The following NLGN1 variants were observed in gnomAD, a reference collection of about 807,000 sequenced individuals.
NLGN1 encodes neuroligin-1.
In NLGN1, 12 loss-of-function variants were observed where a neutral mutation model predicts 65.5. The observed-to-expected ratio is 0.18, with a 90% confidence interval of 0.12 to 0.30. The LOEUF is 0.30. NLGN1 is among the 10% of genes least tolerant of loss of function. The pLI is 1.00. For missense variants in NLGN1, 750 were observed against 1,007.1 expected (o/e 0.74, Z 3.46); for synonymous variants, 350 against 359.5 (o/e 0.97, Z 0.30).
Position 174,167,597 on chromosome 3 carries a change from T to TCC in NLGN1, c.647-107718_647-107717insCC, listed in dbSNP as rs1561203376. ...CCTTTGTATGTGATCTGCCCCCTTT[T>TCC]TTTTTTTTTTTTAACCTAGTTGCCC... On this transcript the variant is annotated intron_variant, in intron 4 of 6. Coordinates refer to ENST00000457714, the Ensembl canonical transcript of NLGN1. Among the ~76,000 whole-genome samples, 751 of 150,448 alleles carry TCC rather than the reference T, an allele frequency of 5.0e-3. 21 individuals carry two copies. The highest frequency in any genetic ancestry group is 0.031 in the East Asian group (154 of 4,978).
intron 4 of NLGN1, among the ~76,000 whole-genome samples, chr3:173,947,820 A>G: frequency 6.6e-6 from 1 of 152,226 alleles, no homozygotes; most frequent in East Asian, 1.9e-4. Flanking sequence ...TAATAGCCAT[A>G]CTTGGAATAT....
chr3:173,699,136 G>A (rs186728844), intron 3 of NLGN1, among the ~76,000 whole-genome samples: 97 of 152,202 alleles, frequency 6.4e-4, no homozygotes, highest in Non-Finnish European at 1.3e-3. Flanking sequence ...GATTACAAGC[G>A]TGAGCCACCG....
At chr3:173,400,455 C>T (rs140709110) in intron 1 of NLGN1, among the ~76,000 whole-genome samples, 2 of 152,266 alleles carry the variant, frequency 1.3e-5, no homozygotes, top group East Asian at 1.9e-4. Context: ...TCACAAGACT[C>T]TTAATTACTA....
intron 4 of NLGN1, among the ~76,000 whole-genome samples, chr3:173,917,182 A>G (rs1253489285): frequency 2.0e-5 from 3 of 152,170 alleles, no homozygotes; most frequent in Non-Finnish European, 4.4e-5. Context: ...GCAGAATCTG[A>G]TTTTGCTTCA....
At chr3:173,993,688 A>ATAGG (rs1479954808) in intron 4 of NLGN1, among the ~76,000 whole-genome samples, 2 of 151,584 alleles carry the variant, frequency 1.3e-5, no homozygotes, top group African/African-American at 4.9e-5. Flanking sequence ...AGATAGATAG[A>ATAGG]TAGATAGTTC....
intron 3 of NLGN1, among the ~76,000 whole-genome samples, chr3:173,774,771 A>G (rs1475939005): frequency 6.6e-6 from 1 of 151,884 alleles, no homozygotes; most frequent in Non-Finnish European, 1.5e-5. Flanking sequence ...TTTTCTTGAA[A>G]TTTCAAGATA....
intron 3 of NLGN1, among the ~76,000 whole-genome samples, chr3:173,625,758 T>C (rs543915306): frequency 6.6e-6 from 1 of 152,280 alleles, no homozygotes; most frequent in Non-Finnish European, 1.5e-5. Context: ...TGAATCTGCA[T>C]AGAAAATCTT....
chr3:174,001,035 T>C (rs1723184148), intron 4 of NLGN1, among the ~76,000 whole-genome samples: 1 of 152,168 alleles, frequency 6.6e-6, no homozygotes, highest in Admixed American at 6.6e-5. Context: ...CCACAGACAA[T>C]TCAATTCTAC....
chr3:173,868,017 C>G (rs891308685), intron 4 of NLGN1, among the ~76,000 whole-genome samples: 3 of 152,162 alleles, frequency 2.0e-5, no homozygotes, highest in African/African-American at 7.2e-5. Context: ...TAGCCCAGAT[C>G]CTCTACATAT....
At chr3:174,063,492 C>T (rs896019462) in intron 4 of NLGN1, among the ~76,000 whole-genome samples, 1 of 151,954 alleles carries the variant, frequency 6.6e-6, no homozygotes, top group African/African-American at 2.4e-5. Flanking sequence ...TTTAGGTACA[C>T]TAATGTCTGT....
At chr3:173,488,499 C>T (rs1315263035) in intron 2 of NLGN1, among the ~76,000 whole-genome samples, 1 of 151,992 alleles carries the variant, frequency 6.6e-6, no homozygotes, top group African/African-American at 2.4e-5. Flanking sequence ...CTATGTCTAT[C>T]TGAAAATATC....
Position 173,863,582 on chromosome 3 carries a change from A to G in NLGN1, c.646+55750A>G, listed in dbSNP as rs80035480. 1.4e-3 allele frequency among the ~76,000 whole-genome samples: 215 copies of G among 152,366 alleles called. 9 individuals carry two copies. The East Asian group carries it at 0.035, about 25-fold the overall frequency. On this transcript the variant is annotated intron_variant, in intron 4 of 6. Coordinates refer to ENST00000457714, the Ensembl canonical transcript of NLGN1. ...TTCTGAATATCTTTAATAGACAATA[A>G]GCCTCAGTCATGATCAGAATGAGGA... is the stretch of plus-strand genomic sequence containing the variant.
chr3:173,420,322 C>A (rs957400146), intron 1 of NLGN1, among the ~76,000 whole-genome samples: 1 of 139,448 alleles, frequency 7.2e-6, no homozygotes, highest in Non-Finnish European at 1.6e-5. Context: ...TGAGAACATG[C>A]GGTGTTTGGT....
At chr3:173,995,033 T>A (rs2152418596) in intron 4 of NLGN1, among the ~76,000 whole-genome samples, 1 of 152,356 alleles carries the variant, frequency 6.6e-6, no homozygotes, top group African/African-American at 2.4e-5. Context: ...TTTTGTGAAT[T>A]TTCTTGTACC....
At chr3:174,121,602 T>C (rs1353562771) in intron 4 of NLGN1, among the ~76,000 whole-genome samples, 1 of 152,164 alleles carries the variant, frequency 6.6e-6, no homozygotes, top group African/African-American at 2.4e-5. Context: ...TAATATTTGC[T>C]CCATAGCTAT....
At chr3:173,925,896 C>G (rs1170860212) in intron 4 of NLGN1, among the ~76,000 whole-genome samples, 1 of 151,918 alleles carries the variant, frequency 6.6e-6, no homozygotes, top group Non-Finnish European at 1.5e-5. Context: ...AAATCTATGT[C>G]ATTGTTCTGA....
At chr3:174,178,852 G>A (rs2152744082) in intron 4 of NLGN1, among the ~76,000 whole-genome samples, 1 of 152,210 alleles carries the variant, frequency 6.6e-6, no homozygotes, top group South Asian at 2.1e-4. Context: ...CATTACTGAA[G>A]TAGATAATAA....
chr3:173,984,175 AC>A (rs2152398595), intron 4 of NLGN1, among the ~76,000 whole-genome samples: 1 of 152,306 alleles, frequency 6.6e-6, no homozygotes, highest in Non-Finnish European at 1.5e-5. Flanking sequence ...ATATCAAGAA[AC>A]CCTGTGACAA....
chr3:174,177,752 T>C (rs1354333715), intron 4 of NLGN1, among the ~76,000 whole-genome samples: 1 of 152,122 alleles, frequency 6.6e-6, no homozygotes, highest in East Asian at 1.9e-4. Flanking sequence ...GGCCTTTCAT[T>C]ATGTTATATT....
Sources: gnomAD v4.1 joint callset for allele counts (sites outside exome capture counted in the v4.1 genomes callset) on GRCh38, gnomAD v4.1.1 for gene constraint, MANE v1.5 for transcripts, NCBI Gene and HGNC (gene_info 2026-07-23, HGNC 2026-07-21) for gene names.